Variants in AKT1S1 observed in about 807,000 individuals in gnomAD.
The protein encoded by AKT1S1 is proline-rich AKT1 substrate 1.
A neutral mutation model predicts 21.2 loss-of-function variants in AKT1S1; 17 were observed. The observed-to-expected ratio is 0.80, with a 90% CI of 0.55 to 1.20. The LOEUF is 1.20. Ranked by LOEUF, AKT1S1 falls within the 50% of genes most tolerant of loss-of-function variation. The probability of loss-of-function intolerance (pLI) is 0.00; values close to 1 mark genes in which losing one functional copy is unlikely to be tolerated. For missense variants in AKT1S1, 366 were observed against 368.3 expected (o/e 0.99, Z 0.05); for synonymous variants, 181 against 165.6 (o/e 1.09, Z -0.72).
Position 49,871,527 on chromosome 19 carries a change from T to G in AKT1S1, c.627+20A>C, listed in dbSNP as rs2074883015. 5.6e-6 allele frequency: 9 copies of G among 1,613,376 alleles called. No homozygotes were observed. The highest frequency in any genetic ancestry group is 7.6e-6 in the Non-Finnish European group (9 of 1,179,940). On this transcript the variant is annotated intron_variant, in intron 4 of 4. Coordinates refer to ENST00000344175, the MANE Select transcript of AKT1S1 (RefSeq NM_001098633.4). ...AGCCCTTCCAGCTGCCCTCCCTACCTCCCCACATTTGCCCCTCACCGGCCC... is the reference window on the plus strand; with the variant it reads ...AGCCCTTCCAGCTGCCCTCCCTACCGCCCCACATTTGCCCCTCACCGGCCC...
Position 49,873,469 on chromosome 19 carries a change from C to T in AKT1S1, c.-7-167G>A. On this transcript the variant is annotated intron_variant, in intron 1 of 4. Transcript: ENST00000344175. The surrounding 1 kb of genome is among the most constrained non-coding windows in gnomAD (Gnocchi z 6.9). ...AACCTGCTACTCCCCAGGATTCTCA[C>T]CATCCAGTCCTCGCAGGCCCAGACC... 1 of 1,260,006 alleles carries T rather than the reference C, an allele frequency of 7.9e-7. No individual in the cohort carries two copies. Among genetic ancestry groups the T allele is most frequent in the South Asian group, 1.8e-5 (1 of 54,370 alleles). 78.1% of individuals were successfully genotyped at this position (1,260,006 alleles called of 1,614,324 possible).
chr19:49,874,422 G>C (rs554750658), intron 1 of AKT1S1: 1 of 152,340 alleles, frequency 6.6e-6, no homozygotes, highest in Admixed American at 6.5e-5. Context: ...GATCCCCCAG[G>C]GTGCATCAGA....
At chr19:49,876,205 C>G (rs2074941572) in intron 1 of AKT1S1, 2 of 1,027,826 alleles carry the variant, frequency 1.9e-6, no homozygotes, top group South Asian at 9.1e-5. Context: ...CAACCTCGCC[C>G]GGGGTCCAGG....
intron 1 of AKT1S1, chr19:49,876,366 T>A (rs1847907304): frequency 8.5e-7 from 1 of 1,178,370 alleles, no homozygotes; most frequent in South Asian, 3.9e-5. Flanking sequence ...CAGGTAGAGA[T>A]CCCAGGCGCT....
rs1341380427 is a variant in AKT1S1 at position 49,873,291 on chromosome 19, G to A, written c.5C>T (p.Ala2Val). The A allele has an allele frequency of 1.0e-5, 15 of 1,498,356 alleles. No homozygotes were observed. Among genetic ancestry groups the A allele is most frequent in the South Asian group, 1.3e-5 (1 of 79,618 alleles). The allele number at this position is 1,498,356 out of a possible 1,614,324, so 92.8% of individuals were successfully genotyped here. Reference protein sequence around the residue: MASGRPEELWEA... With the variant: MVSGRPEELWEA... Reference sequence around the variant, plus strand: ...CCACAGCTCCTCGGGGCGCCCCGACGCCATCCGCGCCCTGCGGGCCAGAGC... The same window carrying A: ...CCACAGCTCCTCGGGGCGCCCCGACACCATCCGCGCCCTGCGGGCCAGAGC... The change falls in exon 2 of 5, where the codon GCG becomes GTG. Residue 2 changes from alanine to valine, a missense_variant. By Grantham distance (64) the Ala-to-Val change is moderately conservative. Coordinates refer to ENST00000344175, the MANE Select transcript of AKT1S1 (RefSeq NM_001098633.4). The surrounding 1 kb of genome is among the most constrained non-coding windows in gnomAD (Gnocchi z 6.9).
chr19:49,875,311 T>C (rs1382990706), intron 1 of AKT1S1: 3 of 150,224 alleles, frequency 2.0e-5, no homozygotes, highest in African/African-American at 7.5e-5. Context: ...TCAGAGAGCT[T>C]AGGACACTGG....
chr19:49,876,292 C>G (rs2074943151), intron 1 of AKT1S1: 3 of 1,184,468 alleles, frequency 2.5e-6, no homozygotes, highest in Admixed American at 4.5e-5. Context: ...CGCCTTTGGA[C>G]GGGTGAGGGG....
chr19:49,871,846 G>GTCACA lies in AKT1S1; in HGVS notation c.422_423insTGTGA (p.Pro142ValfsTer17). The GTCACA allele has an allele frequency of 6.2e-7, 1 of 1,611,958 alleles. No individual in the cohort carries two copies. Among genetic ancestry groups the GTCACA allele is most frequent in the Non-Finnish European group, 8.5e-7 (1 of 1,179,408 alleles). The stretch of plus-strand genomic sequence containing the variant: ...TCTCGGGGTCTGACTCACAGAAGGG[G>GTCACA]GGAAGGTCCTGGAGGGTGGCGTCCT... On this transcript the variant is annotated frameshift_variant, in exon 3 of 5. Coordinates refer to ENST00000344175, the MANE Select transcript of AKT1S1 (RefSeq NM_001098633.4). LOFTEE classifies it high-confidence loss of function.
chr19:49,878,306 G>GC, upstream of AKT1S1: 1 of 1,470,370 alleles, frequency 6.8e-7, no homozygotes, highest in Non-Finnish European at 9.3e-7. Flanking sequence ...TGGGATGCAG[G>GC]CGGCAGCTGT....
intron 1 of AKT1S1, chr19:49,876,084 C>T (rs1440052539): frequency 1.0e-6 from 1 of 986,202 alleles, no homozygotes; most frequent in African/African-American, 1.7e-5. Context: ...GGAACCACCC[C>T]TCCTGTCGAA....
chr19:49,876,036 T>G, intron 1 of AKT1S1: 1 of 985,318 alleles, frequency 1.0e-6, no homozygotes, highest in Non-Finnish European at 1.2e-6. Context: ...CCTCTTTGGA[T>G]GCAGGGAGGA....
intron 1 of AKT1S1, chr19:49,876,768 A>G: frequency 7.9e-7 from 1 of 1,263,860 alleles, no homozygotes; most frequent in Non-Finnish European, 1.0e-6. Context: ...CTTCATCCGA[A>G]CCAGTTGACA....
chr19:49,874,083 C>G (rs2074915573), intron 1 of AKT1S1: 2 of 152,450 alleles, frequency 1.3e-5, no homozygotes, highest in East Asian at 3.8e-4. Flanking sequence ...GCCTCCACGG[C>G]CTTCCAGAGC....
intron 1 of AKT1S1, chr19:49,876,296 TGAGGGGCG>T: frequency 1.7e-6 from 2 of 1,187,952 alleles, no homozygotes; most frequent in African/African-American, 3.2e-5. Context: ...TTTGGACGGG[TGAGGGGCG>T]CCCCGAGGCC....
intron 4 of AKT1S1, among the ~76,000 whole-genome samples, chr19:49,870,992 G>A (rs539076228): frequency 2.7e-3 from 415 of 152,296 alleles, no homozygotes; most frequent in South Asian, 0.016. Flanking sequence ...GCTCCTTCCT[G>A]AAACACACCT....
Position 49,869,905 on chromosome 19 carries a change from C to A in AKT1S1, c.*12G>T. ...GGGGCGGACGCGGCCCGGGGCGCTC[C>A]CTCCCTGGACTTCAATATTTCCGCT... On this transcript the variant is annotated 3_prime_UTR_variant, in exon 5 of 5. Coordinates refer to ENST00000344175, the MANE Select transcript of AKT1S1 (RefSeq NM_001098633.4). The A allele has an allele frequency of 1.3e-6, 2 of 1,485,262 alleles. No homozygotes were observed. 92.0% of individuals were successfully genotyped at this position (1,485,262 alleles called of 1,614,324 possible). A position where few individuals can be genotyped will look rare whatever the true frequency, so the allele number is the denominator to read the frequency against.
intron 4 of AKT1S1, among the ~76,000 whole-genome samples, chr19:49,870,555 C>T (rs2074872955): frequency 6.6e-6 from 1 of 152,186 alleles, no homozygotes; most frequent in Non-Finnish European, 1.5e-5. Context: ...TATCATGTGG[C>T]CACTGCGCTA....
Position 49,873,191 on chromosome 19 carries a change from C to T in AKT1S1, c.105G>A (p.Pro35=), listed in dbSNP as rs749202282. ...AGGGGCCCGGGCGGGGTGGTGGCGG[C>T]GGGGCCGCGGTCAGCAGCACCAGCT... is the stretch of plus-strand genomic sequence containing the variant. ...GTELVLLTAA[P]PPPPRPGPCA... is the part of the protein sequence containing the mutation. The change falls in exon 2 of 5, where the codon CCG becomes CCA. Residue 35 remains proline, a synonymous_variant. Coordinates refer to ENST00000344175, the MANE Select transcript of AKT1S1 (RefSeq NM_001098633.4). This position sits in a 1 kb window ranked among gnomAD's most constrained non-coding sequence, Gnocchi z 6.9. 9.8e-6 allele frequency: 15 copies of T among 1,527,526 alleles called. No individual in the cohort carries two copies. The highest frequency in any genetic ancestry group is 8.0e-5 in the Admixed American group (4 of 49,904). 94.6% of individuals were successfully genotyped at this position (1,527,526 alleles called of 1,614,324 possible). A position where few individuals can be genotyped will look rare whatever the true frequency, so the allele number is the denominator to read the frequency against.
chr19:49,874,320 G>A (rs760006675), intron 1 of AKT1S1: 3 of 152,308 alleles, frequency 2.0e-5, no homozygotes, highest in African/African-American at 4.8e-5. Flanking sequence ...TCAGAGAGTC[G>A]GGGCTGAAAT....
Sources: gnomAD v4.1 joint callset for allele counts (sites outside exome capture counted in the v4.1 genomes callset) on GRCh38, gnomAD v4.1.1 for gene constraint, Gnocchi (gnomAD v3.1) non-coding constraint, MANE v1.5 for transcripts, NCBI Gene and HGNC (gene_info 2026-07-23, HGNC 2026-07-21) for gene names.